The following SLC19A2 variants were observed in gnomAD, a reference collection of about 807,000 sequenced individuals.
The protein encoded by SLC19A2 is thiamine transporter 1.
SLC19A2 carries 27 observed loss-of-function variants against 44.7 expected under a neutral mutation model. That is an observed-to-expected ratio of 0.60 (90% CI 0.45 to 0.83). The LOEUF (loss-of-function observed/expected upper bound fraction) is 0.83. SLC19A2 is among the 40% of genes least tolerant of loss of function. SLC19A2 has a pLI of 0.00. For synonymous variants in SLC19A2, 239 were observed against 243.6 expected, an observed-to-expected ratio of 0.98 and a Z score of 0.18; for missense variants, 566 against 613.7, an observed-to-expected ratio of 0.92 and a Z score of 0.82.
At chr1:169,478,791 G>A (rs941997278) in intron 1 of SLC19A2, among the ~76,000 whole-genome samples, 10 of 151,980 alleles carry the variant, frequency 6.6e-5, no homozygotes, top group African/African-American at 1.7e-4. Context: ...TTAGCCAAGC[G>A]TTGTGGCACA....
chr1:169,472,014 A>G lies in SLC19A2; in HGVS notation c.808-1828T>C, dbSNP rs192214941. ...ACTGAGGTTAATCAAAATAACTCAG[A>G]GAAAGAAGTACCGACACTTGAAAAT... On this transcript the variant is annotated intron_variant, in intron 2 of 5. Coordinates refer to ENST00000236137, the MANE Select transcript of SLC19A2 (RefSeq NM_006996.3). Among the ~76,000 whole-genome samples the G allele has an allele frequency of 3.0e-4, 45 of 152,330 alleles. 1 individual carries two copies. The highest frequency in any genetic ancestry group is 2.5e-3 in the Admixed American group (39 of 15,302).
rs1254542092 is a variant in SLC19A2 at position 169,483,335 on chromosome 1, C to CA, written c.204+2227dup. 3.3e-5 allele frequency among the ~76,000 whole-genome samples: 5 copies of CA among 151,988 alleles called. No homozygotes were observed. The East Asian group carries it at 7.7e-4, about 24-fold the overall frequency. ...ATTTTTTTTATTTAACTGTCCATGG[C>CA]AAAAAACAAGCATTCAGTAAGTAAT... On this transcript the variant is annotated intron_variant, in intron 1 of 5. Coordinates refer to ENST00000236137, the MANE Select transcript of SLC19A2 (RefSeq NM_006996.3).
At chr1:169,466,199 CTTGA>C (rs939284416) in intron 5 of SLC19A2, among the ~76,000 whole-genome samples, 14 of 152,290 alleles carry the variant, frequency 9.2e-5, no homozygotes, top group African/African-American at 3.1e-4. Context: ...GCTGCGTGAA[CTTGA>C]TTGAGATACT....
intron 1 of SLC19A2, among the ~76,000 whole-genome samples, chr1:169,481,272 A>G (rs1658438638): frequency 6.6e-6 from 1 of 152,254 alleles, no homozygotes; most frequent in Non-Finnish European, 1.5e-5. Context: ...ACTTGGCCTT[A>G]AAGAAAGGTT....
At chr1:169,482,799 T>C (rs1039279570) in intron 1 of SLC19A2, among the ~76,000 whole-genome samples, 3 of 152,134 alleles carry the variant, frequency 2.0e-5, no homozygotes. Context: ...ATTAGATTAA[T>C]ATGAATGGAG....
rs953800803 is a variant in SLC19A2, at chr1:169,469,909, A to G, written c.1030+55T>C. The G allele has an allele frequency of 4.7e-6, 7 of 1,497,222 alleles. No homozygotes were observed. In the African/African-American group the frequency reaches 9.6e-5, roughly 21 times the overall value. 92.7% of individuals were successfully genotyped at this position (1,497,222 alleles called of 1,614,324 possible). On this transcript the variant is annotated intron_variant, in intron 3 of 5. Coordinates refer to ENST00000236137, the MANE Select transcript of SLC19A2 (RefSeq NM_006996.3). ...AATAAATCTGATTATGGCTGGCTTA[A>G]CTACCAGAGGAATCCCTCCCCCACC...
rs1246962014 is a variant in SLC19A2 at position 169,468,279 on chromosome 1, A to C, written c.1224-27T>G. The C allele has an allele frequency of 5.1e-6, 8 of 1,582,886 alleles. No individual in the cohort carries two copies. The South Asian group carries it at 8.9e-5, about 18-fold the overall frequency. On this transcript the variant is annotated intron_variant, in intron 4 of 5. Transcript: ENST00000236137. ...TTAAAAAAAAATAAAAGAGTGAATA[A>C]ATAAGAATTACTTCTGGAGTACTTA...
chr1:169,472,565 A>C (rs1658213204), intron 2 of SLC19A2, among the ~76,000 whole-genome samples: 1 of 152,214 alleles, frequency 6.6e-6, no homozygotes, highest in Non-Finnish European at 1.5e-5. Context: ...AATTAGTGTT[A>C]TTTTTATTGC....
At chr1:169,484,894 C>G (rs554733548) in intron 1 of SLC19A2, among the ~76,000 whole-genome samples, 1 of 152,290 alleles carries the variant, frequency 6.6e-6, no homozygotes, top group African/African-American at 2.4e-5. Flanking sequence ...ATTCGCAATA[C>G]AAGAAACACT....
chr1:169,470,300 CT>C, intron 2 of SLC19A2, 114 bp from the exon 3 acceptor site: 1 of 839,076 alleles, frequency 1.2e-6, no homozygotes, highest in Non-Finnish European at 2.0e-6. Context: ...AAACTAACTG[CT>C]TACTTCATAA....
At chr1:169,475,292 A>T (rs1053304522) in intron 2 of SLC19A2, among the ~76,000 whole-genome samples, 2 of 151,942 alleles carry the variant, frequency 1.3e-5, no homozygotes, top group Non-Finnish European at 2.9e-5. Context: ...AACTGAATTT[A>T]AAAAAAATAA....
intron 2 of SLC19A2, among the ~76,000 whole-genome samples, chr1:169,476,144 TA>T (rs201824773): frequency 0.05 from 7,226 of 145,152 alleles, 222 homozygotes; most frequent in East Asian, 0.12. Context: ...CTTGAATATT[TA>T]AAAAAAAAAA....
At chr1:169,467,185 C>G (rs536716647) in intron 5 of SLC19A2, among the ~76,000 whole-genome samples, 2 of 152,312 alleles carry the variant, frequency 1.3e-5, no homozygotes, top group African/African-American at 4.8e-5. Flanking sequence ...ACTTAAGTTT[C>G]TCTCCTACTT....
Position 169,465,846 on chromosome 1 carries a change from A to ATAT in SLC19A2, c.1494_*2dup. 2 of 1,613,844 alleles carry ATAT rather than the reference A, an allele frequency of 1.2e-6. No individual in the cohort carries two copies. Among genetic ancestry groups the ATAT allele is most frequent in the Non-Finnish European group, 1.7e-6 (2 of 1,179,862 alleles). ...CTATAAGAAGAAGCCCTTCAGCAGT[A>ATAT]TATTATGAAGTGGTTACTTGAGAAC... On this transcript the variant is annotated 3_prime_UTR_variant, in exon 6 of 6. Transcript: ENST00000236137.
chr1:169,482,950 A>C lies in SLC19A2; in HGVS notation c.204+2613T>G, dbSNP rs6684127. The stretch of plus-strand genomic sequence containing the variant: ...TTTAAAAAAATCTAAGAAAGGTAGT[A>C]AATGTCTGTCAAAACACATGCTACA... On this transcript the variant is annotated intron_variant, in intron 1 of 5. Coordinates refer to ENST00000236137, the MANE Select transcript of SLC19A2 (RefSeq NM_006996.3). Among the ~76,000 whole-genome samples the C allele has an allele frequency of 2.3e-3, 344 of 152,348 alleles. 1 individual carries two copies. Among genetic ancestry groups the C allele is most frequent in the African/African-American group, 7.6e-3 (316 of 41,578 alleles).
chr1:169,466,161 G>A lies in SLC19A2; in HGVS notation c.1366-184C>T, dbSNP rs73051105. 0.03 allele frequency among the ~76,000 whole-genome samples: 4,531 copies of A among 152,218 alleles called. 197 individuals carry two copies. The highest frequency in any genetic ancestry group is 0.1 in the African/African-American group (4,214 of 41,486). Reference sequence around the variant, plus strand: ...TACTAAATAAAGCCTGACTGCCTGAGTGTGAATCCTGACTTCATCCCTTAC... The same window carrying A: ...TACTAAATAAAGCCTGACTGCCTGAATGTGAATCCTGACTTCATCCCTTAC... On this transcript the variant is annotated intron_variant, in intron 5 of 5. Coordinates refer to ENST00000236137, the MANE Select transcript of SLC19A2 (RefSeq NM_006996.3).
Position 169,465,778 on chromosome 1 carries a change from A to G in SLC19A2, c.*71T>C. 1 of 1,557,000 alleles carries G rather than the reference A, an allele frequency of 6.4e-7. No homozygotes were observed. The highest frequency in any genetic ancestry group is 1.1e-5 in the South Asian group (1 of 89,686). On this transcript the variant is annotated 3_prime_UTR_variant, in exon 6 of 6. Transcript: ENST00000236137. ...ATTCATAAATATATGTCTACGCTTT[A>G]AAAAATCAAACACATCCAGGCAGTT...
At chr1:169,477,917 T>C (rs1455171965) in intron 1 of SLC19A2, among the ~76,000 whole-genome samples, 160 bp from the exon 2 acceptor site, 1 of 152,198 alleles carries the variant, frequency 6.6e-6, no homozygotes, top group Non-Finnish European at 1.5e-5. Context: ...TTTTCTCTCT[T>C]TTTTGTTTGA....
intron 1 of SLC19A2, among the ~76,000 whole-genome samples, chr1:169,484,707 AG>A (rs1406255920): frequency 1.3e-5 from 2 of 152,208 alleles, no homozygotes; most frequent in African/African-American, 2.4e-5. Context: ...ACATTTCTAA[AG>A]TACACTATGC....
Sources: gnomAD v4.1 joint callset for allele counts (sites outside exome capture counted in the v4.1 genomes callset) on GRCh38, gnomAD v4.1.1 for gene constraint, MANE v1.5 for transcripts, NCBI Gene and HGNC (gene_info 2026-07-23, HGNC 2026-07-21) for gene names.